CUX2: variants seen among roughly 807,000 people sequenced by gnomAD.
CUX2 encodes homeobox protein cut-like 2.
A neutral mutation model predicts 144.8 loss-of-function variants in CUX2; 40 were observed. That is an observed-to-expected ratio of 0.28 (90% CI 0.21 to 0.36). The LOEUF (loss-of-function observed/expected upper bound fraction) is 0.36. Among genes scored for constraint, CUX2 ranks in the 10% least tolerant of loss-of-function variants. CUX2 has a pLI of 1.00. For synonymous variants in CUX2, 827 were observed against 875.6 expected (o/e 0.94, Z 0.98); for missense variants, 1,615 against 1,994.0 (o/e 0.81, Z 3.62).
At chr12:111,316,372 C>G (rs181650292) in intron 16 of CUX2, among the ~76,000 whole-genome samples, 15 of 150,068 alleles carry the variant, frequency 1.0e-4, no homozygotes, top group African/African-American at 3.7e-4. Flanking sequence ...TCTCAATCTC[C>G]TGACCTCAGA....
At chr12:111,346,487 AAAAG>A (rs1463696654) in intron 21 of CUX2, among the ~76,000 whole-genome samples, 2 of 152,018 alleles carry the variant, frequency 1.3e-5, no homozygotes, top group Admixed American at 6.6e-5. Context: ...AAAAAAAAAA[AAAAG>A]AAAAGAAAAC....
At position 111,037,263 on chromosome 12, in the gene CUX2, C is replaced by T. The variant is rs79541483; in HGVS notation, c.63+3023C>T. Among the ~76,000 whole-genome samples, 1,132 of 152,278 alleles carry T rather than the reference C, an allele frequency of 7.4e-3. 14 individuals carry two copies. The highest frequency in any genetic ancestry group is 0.026 in the African/African-American group (1,082 of 41,548). The stretch of plus-strand genomic sequence containing the variant: ...GGTTTCTCGCAGCGTGGTTGCTGAG[C>T]ATTAAAGTGGCCGAGGCAACATGGG... On this transcript the variant is annotated intron_variant, in intron 1 of 21. Coordinates refer to ENST00000261726, the MANE Select transcript of CUX2 (RefSeq NM_015267.4). The surrounding 1 kb of genome is among the most constrained non-coding windows in gnomAD (Gnocchi z 5.4).
chr12:111,327,983 A>G (rs1412793131), intron 18 of CUX2, among the ~76,000 whole-genome samples: 1 of 152,090 alleles, frequency 6.6e-6, no homozygotes, highest in Non-Finnish European at 1.5e-5. Context: ...AGGATGCTTG[A>G]GCCTAGGAGG....
intron 1 of CUX2, among the ~76,000 whole-genome samples, chr12:111,183,927 G>A (rs964944059): frequency 6.6e-5 from 10 of 152,088 alleles, no homozygotes; most frequent in African/African-American, 2.2e-4. Flanking sequence ...TTTTTCCTTG[G>A]GTGGCTGGCA....
intron 20 of CUX2, among the ~76,000 whole-genome samples, chr12:111,340,343 A>G (rs1481019628): frequency 6.6e-6 from 1 of 152,166 alleles, no homozygotes; most frequent in African/African-American, 2.4e-5. Flanking sequence ...TCAGTAAGTC[A>G]TTTAAGTTAC....
chr12:111,269,137 T>C (rs1884523201), intron 4 of CUX2, among the ~76,000 whole-genome samples: 1 of 152,186 alleles, frequency 6.6e-6, no homozygotes, highest in African/African-American at 2.4e-5. Flanking sequence ...AGGTTCACAG[T>C]ATACAGCAGG....
At chr12:111,185,449 G>A (rs1879468435) in intron 1 of CUX2, among the ~76,000 whole-genome samples, 1 of 152,234 alleles carries the variant, frequency 6.6e-6, no homozygotes, top group Non-Finnish European at 1.5e-5. Context: ...TGGTCACCCA[G>A]AGCAGGGACA....
intron 2 of CUX2, among the ~76,000 whole-genome samples, chr12:111,217,438 C>T (rs1394456763): frequency 6.6e-6 from 1 of 152,156 alleles, no homozygotes; most frequent in African/African-American, 2.4e-5. Flanking sequence ...CCCCGGGCGA[C>T]ACCTTGAAGG....
intron 1 of CUX2, among the ~76,000 whole-genome samples, chr12:111,201,799 G>T (rs1195398802): frequency 6.6e-6 from 1 of 152,228 alleles, no homozygotes; most frequent in Non-Finnish European, 1.5e-5. Flanking sequence ...GCTGCTGCAA[G>T]AAATGAGTTA....
At position 111,039,755 on chromosome 12, in the gene CUX2, G is replaced by A. The variant is rs538292593; in HGVS notation, c.63+5515G>A. Among the ~76,000 whole-genome samples, 1 of 152,224 alleles carries A rather than the reference G, an allele frequency of 6.6e-6. No homozygotes were observed. The highest frequency in any genetic ancestry group is 2.4e-5 in the African/African-American group (1 of 41,534). Reference sequence around the variant, plus strand: ...CAGTGTTGACCAGGCTGGTCTTGAAGTCCTGACCTCAAATGATCCACCAGC... The same window carrying A: ...CAGTGTTGACCAGGCTGGTCTTGAAATCCTGACCTCAAATGATCCACCAGC... On this transcript the variant is annotated intron_variant, in intron 1 of 21. Transcript: ENST00000261726. The surrounding 1 kb of genome is among the most constrained non-coding windows in gnomAD (Gnocchi z 4.2).
intron 19 of CUX2, among the ~76,000 whole-genome samples, chr12:111,337,493 C>T (rs957814250): frequency 1.3e-5 from 2 of 152,204 alleles, no homozygotes; most frequent in African/African-American, 4.8e-5. Context: ...GTTTTTTACC[C>T]AACTGATGGG....
chr12:111,159,330 C>G (rs61943040), intron 1 of CUX2, among the ~76,000 whole-genome samples: 2 of 81,034 alleles, frequency 2.5e-5, no homozygotes, highest in African/African-American at 1.3e-4. Context: ...TTTTTTTTTC[C>G]TAGAGAGAGG....
chr12:111,278,035 T>G (rs1294296175), intron 4 of CUX2, among the ~76,000 whole-genome samples: 1 of 152,196 alleles, frequency 6.6e-6, no homozygotes, highest in Admixed American at 6.5e-5. Flanking sequence ...TCTTCTTCCA[T>G]CTTCAAAGCC....
chr12:111,124,648 G>A (rs551400849), intron 1 of CUX2, among the ~76,000 whole-genome samples: 3 of 151,924 alleles, frequency 2.0e-5, no homozygotes, highest in Non-Finnish European at 4.4e-5. Context: ...TTTCTTTTTC[G>A]ACTTTTATTT....
chr12:111,322,344 A>AAAT lies in CUX2; in HGVS notation c.2767-77_2767-76insAAT. On this transcript the variant is annotated intron_variant, in intron 17 of 21. Coordinates refer to ENST00000261726, the MANE Select transcript of CUX2 (RefSeq NM_015267.4). This position sits in a 1 kb window ranked among gnomAD's most constrained non-coding sequence, Gnocchi z 4.2. Reference sequence around the variant, plus strand: ...CTCAAAAAAAAAAAAAAAAAAAAAAAGGTTGGGGAGGAGAGTGAGGGCCAG... The same window carrying AAAT: ...CTCAAAAAAAAAAAAAAAAAAAAAAAAATGGTTGGGGAGGAGAGTGAGGGCCAG... 5 of 1,050,818 alleles carry AAAT rather than the reference A, an allele frequency of 4.8e-6. No homozygotes were observed. The highest frequency in any genetic ancestry group is 3.8e-5 in the South Asian group (2 of 52,642). 65.1% of individuals were successfully genotyped at this position (1,050,818 alleles called of 1,614,324 possible).
intron 1 of CUX2, among the ~76,000 whole-genome samples, chr12:111,106,313 G>A (rs1462237164): frequency 1.4e-5 from 2 of 147,638 alleles, no homozygotes; most frequent in East Asian, 2.0e-4. Flanking sequence ...ACCATGCCCA[G>A]CCCCAGCTAA....
intron 3 of CUX2, among the ~76,000 whole-genome samples, chr12:111,225,358 C>T (rs1261567444): frequency 6.6e-6 from 1 of 152,196 alleles, no homozygotes; most frequent in African/African-American, 2.4e-5. Flanking sequence ...GTGACTGAGG[C>T]TCAGCCCGCA....
At chr12:111,133,219 C>A (rs558556388) in intron 1 of CUX2, among the ~76,000 whole-genome samples, 52 of 152,312 alleles carry the variant, frequency 3.4e-4, no homozygotes, top group African/African-American at 1.2e-3. Context: ...CAACCTCTGC[C>A]TGTTACCCAG....
chr12:111,330,787 C>T (rs184338313), intron 18 of CUX2, among the ~76,000 whole-genome samples: 2 of 125,570 alleles, frequency 1.6e-5, no homozygotes, highest in Admixed American at 1.7e-4. Context: ...GCACATAATA[C>T]TACACTGGGC....
Sources: gnomAD v4.1 joint callset for allele counts (sites outside exome capture counted in the v4.1 genomes callset) on GRCh38, gnomAD v4.1.1 for gene constraint, Gnocchi (gnomAD v3.1) non-coding constraint, MANE v1.5 for transcripts, NCBI Gene and HGNC (gene_info 2026-07-23, HGNC 2026-07-21) for gene names.